Variants in PRKN observed in about 807,000 individuals in gnomAD.
The protein encoded by PRKN is parkin RBR E3 ubiquitin protein ligase, also known as E3 ubiquitin-protein ligase parkin.
Under a neutral mutation model 59.5 loss-of-function variants are expected in PRKN, and 56 were observed. The ratio of observed to expected loss-of-function variants is 0.94; its 90% CI spans 0.76 to 1.18. PRKN has a LOEUF of 1.18. Among genes scored for constraint, PRKN ranks in the 50% most tolerant of loss-of-function variants. The probability of loss-of-function intolerance (pLI) is 0.00; values close to 1 mark genes in which losing one functional copy is unlikely to be tolerated. For missense variants in PRKN, 657 were observed against 596.4 expected (o/e 1.10, Z -1.06); for synonymous variants, 250 against 222.1 (o/e 1.13, Z -1.12).
At chr6:162,268,869 A>C (rs2128102341) in intron 2 of PRKN, among the ~76,000 whole-genome samples, 1 of 152,364 alleles carries the variant, frequency 6.6e-6, no homozygotes, top group Non-Finnish European at 1.5e-5. Flanking sequence ...CACCCCAGGT[A>C]CGAAGGAATG....
At chr6:161,505,169 C>T (rs1778113964) in intron 9 of PRKN, among the ~76,000 whole-genome samples, 2 of 152,226 alleles carry the variant, frequency 1.3e-5, no homozygotes, top group African/African-American at 4.8e-5. Context: ...TATTTCTCCA[C>T]ATCCTCTCAA....
At chr6:162,555,303 CA>C (rs779294111) in intron 1 of PRKN, among the ~76,000 whole-genome samples, 17 of 152,190 alleles carry the variant, frequency 1.1e-4, no homozygotes, top group South Asian at 1.0e-3. Context: ...CTAACCCAAC[CA>C]GTAAAATATT....
chr6:161,832,957 C>G (rs1486852169), intron 6 of PRKN, among the ~76,000 whole-genome samples: 2 of 152,098 alleles, frequency 1.3e-5, no homozygotes, highest in Non-Finnish European at 2.9e-5. Flanking sequence ...AGTGTCCCCC[C>G]ATCCCCGGCC....
rs576565604 is a variant in PRKN at position 161,467,366 on chromosome 6, A to G, written c.1084-80489T>C. ...ATAATACGAACACGATTCTAGCCCTATGGAGTATATACGTTATTAACTGAT... is the reference window on the plus strand; with the variant it reads ...ATAATACGAACACGATTCTAGCCCTGTGGAGTATATACGTTATTAACTGAT... On this transcript the variant is annotated intron_variant, in intron 9 of 11. Coordinates refer to ENST00000366898, the MANE Select transcript of PRKN (RefSeq NM_004562.3). This position sits in a 1 kb window ranked among gnomAD's most constrained non-coding sequence, Gnocchi z 4.3. Among the ~76,000 whole-genome samples the G allele has an allele frequency of 2.0e-5, 3 of 152,282 alleles. No homozygotes were observed. In the East Asian group the frequency reaches 5.8e-4, roughly 29 times the overall value.
At chr6:161,758,616 A>G (rs6941734) in intron 7 of PRKN, among the ~76,000 whole-genome samples, 82,297 of 152,042 alleles carry the variant, frequency 0.54, 22,307 homozygotes, top group East Asian at 0.56. Flanking sequence ...CGTGTGTAAA[A>G]CTTATCAAAT....
rs1785033302 is a variant in PRKN, at chr6:161,362,976, T to C, written c.1168-2771A>G. On this transcript the variant is annotated intron_variant, in intron 10 of 11. Transcript: ENST00000366898. The surrounding 1 kb of genome is among the most constrained non-coding windows in gnomAD (Gnocchi z 5.2). Reference sequence around the variant, plus strand: ...CAGAGTACTGGCCAGGCATGGTGGCTCACACCTGTAATCCCAGCACTTTGG... The same window carrying C: ...CAGAGTACTGGCCAGGCATGGTGGCCCACACCTGTAATCCCAGCACTTTGG... Among the ~76,000 whole-genome samples the C allele has an allele frequency of 6.6e-6, 1 of 152,190 alleles. No individual in the cohort carries two copies. The highest frequency in any genetic ancestry group is 1.5e-5 in the Non-Finnish European group (1 of 68,036).
At chr6:162,396,842 A>T (rs779393145) in intron 2 of PRKN, among the ~76,000 whole-genome samples, 2 of 152,138 alleles carry the variant, frequency 1.3e-5, no homozygotes, top group African/African-American at 2.4e-5. Flanking sequence ...TGGTAAGAAC[A>T]ACTTCACTGA....
Position 161,924,533 on chromosome 6 carries a change from TAATTCAG to T in PRKN, c.734+48762_734+48768del, listed in dbSNP as rs1359452633. Among the ~76,000 whole-genome samples the T allele has an allele frequency of 2.0e-5, 3 of 152,316 alleles. No individual in the cohort carries two copies. In the East Asian group the frequency reaches 5.8e-4, roughly 29 times the overall value. On this transcript the variant is annotated intron_variant, in intron 6 of 11. Coordinates refer to ENST00000366898, the MANE Select transcript of PRKN (RefSeq NM_004562.3). The stretch of plus-strand genomic sequence containing the variant: ...CACTGAATCTATAAATGAATTTCAG[TAATTCAG>T]AATTCAGAATGAATTTCAGAGTCTA...
intron 7 of PRKN, among the ~76,000 whole-genome samples, chr6:161,713,085 T>C (rs1249491693): frequency 6.6e-6 from 1 of 152,150 alleles, no homozygotes; most frequent in East Asian, 1.9e-4. Flanking sequence ...CACAATTTCC[T>C]CAATGGGTAA....
At chr6:162,286,212 C>A (rs1262445124) in intron 2 of PRKN, among the ~76,000 whole-genome samples, 1 of 152,128 alleles carries the variant, frequency 6.6e-6, no homozygotes, top group Non-Finnish European at 1.5e-5. Context: ...CACATTAGGG[C>A]ACAGGTTTTA....
At chr6:162,054,727 T>G (rs1582963030) in intron 4 of PRKN, among the ~76,000 whole-genome samples, 1 of 152,272 alleles carries the variant, frequency 6.6e-6, no homozygotes, top group Middle Eastern at 3.4e-3. Context: ...AAATAAAAAT[T>G]CAATAAAAGC....
intron 4 of PRKN, among the ~76,000 whole-genome samples, chr6:162,180,413 T>C (rs2128322853): frequency 6.6e-6 from 1 of 152,288 alleles, no homozygotes; most frequent in African/African-American, 2.4e-5. Context: ...CACAGAAATA[T>C]GAACACCTCC....
chr6:161,820,124 T>C (rs563060070), intron 6 of PRKN, among the ~76,000 whole-genome samples: 50 of 152,254 alleles, frequency 3.3e-4, no homozygotes, highest in African/African-American at 1.0e-3. Flanking sequence ...TTAATAGTAA[T>C]TTAAACTTTT....
At chr6:161,781,632 G>A (rs191152251) in intron 7 of PRKN, among the ~76,000 whole-genome samples, 56 of 152,182 alleles carry the variant, frequency 3.7e-4, no homozygotes, top group Non-Finnish European at 6.3e-4. Flanking sequence ...GTTAATTTAC[G>A]CACATTCTTT....
chr6:161,657,052 T>G (rs1784373598), intron 7 of PRKN, among the ~76,000 whole-genome samples: 1 of 152,214 alleles, frequency 6.6e-6, no homozygotes. Flanking sequence ...ACTTGACACT[T>G]CCACCTGGAC....
intron 9 of PRKN, among the ~76,000 whole-genome samples, chr6:161,412,403 C>T (rs182132186): frequency 1.2e-4 from 18 of 147,898 alleles, no homozygotes; most frequent in African/African-American, 3.7e-4. Flanking sequence ...TCCTTTCTCA[C>T]GCATTCCTCC....
At chr6:162,325,716 T>G (rs1783237342) in intron 2 of PRKN, among the ~76,000 whole-genome samples, 1 of 152,204 alleles carries the variant, frequency 6.6e-6, no homozygotes, top group Non-Finnish European at 1.5e-5. Context: ...CATATGTCTA[T>G]TTAGGGGAAA....
At chr6:161,627,747 C>A (rs981191946) in intron 7 of PRKN, among the ~76,000 whole-genome samples, 40 of 152,312 alleles carry the variant, frequency 2.6e-4, no homozygotes, top group African/African-American at 9.1e-4. Context: ...TGAGCCTGTT[C>A]TATGACTGCT....
chr6:161,706,337 G>A (rs991855781), intron 7 of PRKN, among the ~76,000 whole-genome samples: 2 of 152,200 alleles, frequency 1.3e-5, no homozygotes, highest in Non-Finnish European at 2.9e-5. Context: ...TCACCTTTCT[G>A]AAGGAAACTG....
Sources: gnomAD v4.1 joint callset for allele counts (sites outside exome capture counted in the v4.1 genomes callset) on GRCh38, gnomAD v4.1.1 for gene constraint, Gnocchi (gnomAD v3.1) non-coding constraint, MANE v1.5 for transcripts, NCBI Gene and HGNC (gene_info 2026-07-23, HGNC 2026-07-21) for gene names.